The following APBA1 variants were observed in gnomAD, a reference collection of about 807,000 sequenced individuals.
APBA1 encodes the protein amyloid beta precursor protein binding family A member 1, also known as amyloid-beta A4 precursor protein-binding family A member 1.
APBA1 carries 55 observed loss-of-function variants against 86.6 expected under a neutral mutation model. That is an observed-to-expected ratio of 0.64 (90% CI 0.51 to 0.80). The LOEUF is 0.80. Among genes scored for constraint, APBA1 ranks in the 30% least tolerant of loss-of-function variants. The pLI is 0.00. For synonymous variants in APBA1, 511 were observed against 493.9 expected (o/e 1.03, Z -0.46); for missense variants, 1,090 against 1,183.0 (o/e 0.92, Z 1.15).
chr9:69,603,735 T>C (rs978276504), intron 1 of APBA1, among the ~76,000 whole-genome samples: 5 of 152,236 alleles, frequency 3.3e-5, no homozygotes, highest in Non-Finnish European at 5.9e-5. Context: ...AATAACCTTA[T>C]AATTTATCAT....
chr9:69,439,482 T>C (rs962131551), intron 11 of APBA1, among the ~76,000 whole-genome samples: 1 of 152,158 alleles, frequency 6.6e-6, no homozygotes, highest in African/African-American at 2.4e-5. Context: ...CCTATCTATC[T>C]ATCTTTTTAT....
chr9:69,526,228 TAATTA>T (rs1310268175), intron 1 of APBA1, among the ~76,000 whole-genome samples: 2 of 152,018 alleles, frequency 1.3e-5, no homozygotes, highest in African/African-American at 4.8e-5. Context: ...AAGTGGAACA[TAATTA>T]AATTAAAGAG....
intron 1 of APBA1, among the ~76,000 whole-genome samples, chr9:69,526,102 G>C (rs1455235600): frequency 1.3e-5 from 2 of 152,002 alleles, no homozygotes; most frequent in Admixed American, 6.6e-5. Flanking sequence ...CAAACTATAA[G>C]ACTTCTAGAA....
intron 1 of APBA1, among the ~76,000 whole-genome samples, chr9:69,559,465 A>G (rs566055132): frequency 2.0e-5 from 3 of 152,306 alleles, no homozygotes; most frequent in Non-Finnish European, 4.4e-5. Flanking sequence ...TTTTATATAA[A>G]TGGAATCCTA....
intron 1 of APBA1, among the ~76,000 whole-genome samples, chr9:69,548,169 G>A (rs11139285): frequency 0.079 from 12,013 of 152,208 alleles, 689 homozygotes; most frequent in East Asian, 0.27. Context: ...CTTGGAAGAC[G>A]GGAGAAAGGA....
intron 1 of APBA1, among the ~76,000 whole-genome samples, chr9:69,522,112 G>T (rs7864226): frequency 6.6e-6 from 1 of 150,754 alleles, no homozygotes; most frequent in Admixed American, 6.6e-5. Flanking sequence ...ATATATATAT[G>T]TGTGTGTGTA....
At chr9:69,655,981 C>T (rs933929596) in intron 1 of APBA1, among the ~76,000 whole-genome samples, 21 of 152,212 alleles carry the variant, frequency 1.4e-4, no homozygotes, top group African/African-American at 5.1e-4. Context: ...ACAATGTGCA[C>T]ATGTATTAAA....
rs192960740 is a variant in APBA1 at position 69,427,855 on chromosome 9, G to A, written c.*3472C>T. 15 of 152,094 alleles carry A rather than the reference G, an allele frequency of 9.9e-5. No individual in the cohort carries two copies. The highest frequency in any genetic ancestry group is 9.2e-4 in the Admixed American group (14 of 15,284). 9.4% of individuals were successfully genotyped at this position (152,094 alleles called of 1,614,324 possible). A position where few individuals can be genotyped will look rare whatever the true frequency, so the allele number is the denominator to read the frequency against. ...ACAAATACAATACTATACTTCTCCC[G>A]ACACTTTACAATAAGCTCTATTTCA... On this transcript the variant is annotated 3_prime_UTR_variant, in exon 13 of 13. Coordinates refer to ENST00000265381, the MANE Select transcript of APBA1 (RefSeq NM_001163.4).
At chr9:69,582,549 T>C (rs1221978526) in intron 1 of APBA1, among the ~76,000 whole-genome samples, 1 of 152,190 alleles carries the variant, frequency 6.6e-6, no homozygotes, top group Admixed American at 6.5e-5. Flanking sequence ...CCCCAGTTTC[T>C]TCTAGCCTGG....
intron 1 of APBA1, among the ~76,000 whole-genome samples, chr9:69,598,754 C>G (rs1822286149): frequency 6.6e-6 from 1 of 152,152 alleles, no homozygotes; most frequent in African/African-American, 2.4e-5. Context: ...GAAAAGGTAT[C>G]CAGACTAGCC....
At chr9:69,592,611 G>T (rs1158892627) in intron 1 of APBA1, among the ~76,000 whole-genome samples, 4 of 151,742 alleles carry the variant, frequency 2.6e-5, no homozygotes, top group South Asian at 2.1e-4. Context: ...AATAAATAAA[G>T]AAATAAATAG....
chr9:69,579,624 A>T (rs1282179465), intron 1 of APBA1, among the ~76,000 whole-genome samples: 8 of 152,214 alleles, frequency 5.3e-5, no homozygotes, highest in Admixed American at 5.2e-4. Context: ...GGGGCTGGGG[A>T]ATCAAACCCA....
At chr9:69,525,692 C>A (rs915143436) in intron 1 of APBA1, among the ~76,000 whole-genome samples, 1 of 152,062 alleles carries the variant, frequency 6.6e-6, no homozygotes, top group Non-Finnish European at 1.5e-5. Context: ...AAACTACCAA[C>A]ATCATTTTTC....
chr9:69,599,829 A>T (rs1364895576), intron 1 of APBA1, among the ~76,000 whole-genome samples: 1 of 152,176 alleles, frequency 6.6e-6, no homozygotes, highest in South Asian at 2.1e-4. Context: ...ATGGCTGCCA[A>T]ATGTTAAGAA....
At chr9:69,520,225 C>A (rs1246720173) in intron 1 of APBA1, among the ~76,000 whole-genome samples, 1 of 151,848 alleles carries the variant, frequency 6.6e-6, no homozygotes, top group Non-Finnish European at 1.5e-5. Flanking sequence ...TCCCTACACA[C>A]AAGAGGACTG....
At chr9:69,636,828 AGAGGGAGGGAGGGAGGGAGGGAGG>A (rs1214450845) in intron 1 of APBA1, among the ~76,000 whole-genome samples, 1 of 7,130 alleles carries the variant, frequency 1.4e-4, no homozygotes, top group African/African-American at 3.5e-4. Context: ...AGAGAGAGAG[AGAGGGAGGGAGGGAGGGAGGGAGG>A]GAGGGAGGGA....
rs1371345081 is a variant in APBA1, at chr9:69,439,178, G to T, written c.2301+1818C>A. Among the ~76,000 whole-genome samples, 582 of 104,190 alleles carry T rather than the reference G, an allele frequency of 5.6e-3. 7 individuals carry two copies. Among genetic ancestry groups the T allele is most frequent in the African/African-American group, 0.023 (549 of 24,080 alleles). The allele number at this position is 104,190 out of a possible 152,430, so 68.4% of individuals were successfully genotyped here. ...TAGTCTGATGGGCTTCCCTTTGTGGGTAACCTGACCTTTCTCTCTGGCTGC... is the reference window on the plus strand; with the variant it reads ...TAGTCTGATGGGCTTCCCTTTGTGGTTAACCTGACCTTTCTCTCTGGCTGC... On this transcript the variant is annotated intron_variant, in intron 11 of 12. Coordinates refer to ENST00000265381, the MANE Select transcript of APBA1 (RefSeq NM_001163.4).
At chr9:69,560,540 A>G (rs1836931688) in intron 1 of APBA1, among the ~76,000 whole-genome samples, 1 of 152,194 alleles carries the variant, frequency 6.6e-6, no homozygotes. Context: ...AAAGGGGATG[A>G]TCAAAATTCT....
At chr9:69,559,808 C>G (rs1443853998) in intron 1 of APBA1, among the ~76,000 whole-genome samples, 1 of 152,146 alleles carries the variant, frequency 6.6e-6, no homozygotes, top group Non-Finnish European at 1.5e-5. Context: ...TGTTCTAATA[C>G]TTCCATAGGT....
Sources: gnomAD v4.1 joint callset for allele counts (sites outside exome capture counted in the v4.1 genomes callset) on GRCh38, gnomAD v4.1.1 for gene constraint, MANE v1.5 for transcripts, NCBI Gene and HGNC (gene_info 2026-07-23, HGNC 2026-07-21) for gene names.